Variants in ATP6V0A4 observed in about 807,000 individuals in gnomAD.
ATP6V0A4 encodes the protein ATPase H+ transporting V0 subunit a4, also known as V-type proton ATPase 116 kDa subunit a 4.
A neutral mutation model predicts 107.3 loss-of-function variants in ATP6V0A4; 86 were observed. The observed-to-expected ratio is 0.80, with a 90% CI of 0.67 to 0.96. The LOEUF is 0.96. Ranked by LOEUF, ATP6V0A4 falls within the 40% of genes least tolerant of loss-of-function variation. The pLI, the probability that ATP6V0A4 is intolerant of heterozygous loss-of-function variation, is 0.00. For missense variants in ATP6V0A4, 908 were observed against 1,045.6 expected, an observed-to-expected ratio of 0.87 and a Z score of 1.81; for synonymous variants, 353 against 381.4, an observed-to-expected ratio of 0.93 and a Z score of 0.87.
chr7:138,717,840 G>A (rs1280717873), intron 19 of ATP6V0A4, among the ~76,000 whole-genome samples: 3 of 149,714 alleles, frequency 2.0e-5, no homozygotes, highest in African/African-American at 4.9e-5. Flanking sequence ...CCCGGGAGGC[G>A]GAGGTTGCAG....
In ATP6V0A4 at chr7:138,718,279, GGTGT is replaced by G. The variant is rs777538832; in HGVS notation, c.2140-2402_2140-2399del. 9.1e-3 allele frequency among the ~76,000 whole-genome samples: 117 copies of G among 12,924 alleles called. 1 individual carries two copies. Among genetic ancestry groups the G allele is most frequent in the Admixed American group, 9.3e-3 (8 of 858 alleles). 8.5% of individuals were successfully genotyped at this position (12,924 alleles called of 152,430 possible). A position where few individuals can be genotyped will look rare whatever the true frequency, so the allele number is the denominator to read the frequency against. On this transcript the variant is annotated intron_variant, in intron 19 of 21. Transcript: ENST00000310018. ...AGGGAGACGTCCAGGAAGGAATGGC[GGTGT>G]GTGTGTGTGTGTGTGTGTGTGTGTG...
chr7:138,759,079 A>ATTTT (rs1563006108), intron 8 of ATP6V0A4, among the ~76,000 whole-genome samples: 14 of 23,152 alleles, frequency 6.0e-4, no homozygotes, highest in African/African-American at 2.0e-3. Flanking sequence ...TTTTTTTTTG[A>ATTTT]GATAGGGTCT....
chr7:138,759,079 A>ATTTTT (rs1563006108), intron 8 of ATP6V0A4, among the ~76,000 whole-genome samples: 2 of 23,170 alleles, frequency 8.6e-5, no homozygotes, highest in African/African-American at 3.1e-4. Context: ...TTTTTTTTTG[A>ATTTTT]GATAGGGTCT....
At chr7:138,751,122 A>G (rs390798) in intron 11 of ATP6V0A4, among the ~76,000 whole-genome samples, 90,820 of 151,812 alleles carry the variant, frequency 0.6, 27,217 homozygotes, top group Non-Finnish European at 0.62. Flanking sequence ...CCCATCGGCC[A>G]AACCAGCTGC....
chr7:138,784,959 A>G (rs1808112925), intron 2 of ATP6V0A4, among the ~76,000 whole-genome samples: 1 of 152,140 alleles, frequency 6.6e-6, no homozygotes, highest in Non-Finnish European at 1.5e-5. Context: ...CATTCCTTTA[A>G]CACAGGGCTT....
At chr7:138,752,902 A>T (rs2117291751) in intron 10 of ATP6V0A4, 65 bp from the exon 11 acceptor site, 1 of 1,593,738 alleles carries the variant, frequency 6.3e-7, no homozygotes, top group Non-Finnish European at 8.5e-7. Flanking sequence ...AAGGTGCCAA[A>T]AATGGAGTGT....
chr7:138,769,014 C>A, intron 4 of ATP6V0A4, 140 bp from the exon 5 acceptor site: 1 of 1,565,838 alleles, frequency 6.4e-7, no homozygotes, highest in Admixed American at 1.9e-5. Flanking sequence ...ACCTGGATCC[C>A]ACCCCCAACC....
At chr7:138,793,991 G>A (rs1808542344) in intron 1 of ATP6V0A4, among the ~76,000 whole-genome samples, 1 of 152,152 alleles carries the variant, frequency 6.6e-6, no homozygotes, top group Admixed American at 6.5e-5. Context: ...TCTATGGCAT[G>A]ATCTTAACAG....
intron 17 of ATP6V0A4, among the ~76,000 whole-genome samples, chr7:138,731,627 T>A (rs1805020685): frequency 6.6e-6 from 1 of 152,150 alleles, no homozygotes; most frequent in South Asian, 2.1e-4. Flanking sequence ...GTGTGGTGGT[T>A]CACACCTGTA....
chr7:138,716,281 G>C (rs1336418201), intron 19 of ATP6V0A4, among the ~76,000 whole-genome samples: 1 of 152,168 alleles, frequency 6.6e-6, no homozygotes, highest in Non-Finnish European at 1.5e-5. Context: ...AATTTGGCTG[G>C]AACTGGGAGC....
Position 138,752,789 on chromosome 7 carries a change from C to T in ATP6V0A4, c.865G>A (p.Ala289Thr), listed in dbSNP as rs1039893783. The change falls in exon 11 of 22, where the codon GCT (alanine) becomes ACT (threonine). Residue 289 changes from alanine to threonine, a missense_variant. Physicochemically the swap from Ala to Thr is moderately conservative, Grantham distance 58. Transcript: ENST00000310018. ...SHRQRLLQEAAANWHSWLIKV... is the reference protein window; with the variant it reads ...SHRQRLLQEATANWHSWLIKV... ...ATGAGCCAGGAGTGCCAGTTGGCAGCGGCTTCCTGCAGCAGGCGCTGGCGG... is the reference window on the plus strand; with the variant it reads ...ATGAGCCAGGAGTGCCAGTTGGCAGTGGCTTCCTGCAGCAGGCGCTGGCGG... The T allele has an allele frequency of 3.6e-5, 58 of 1,614,034 alleles. No homozygotes were observed. The highest frequency in any genetic ancestry group is 4.8e-5 in the Non-Finnish European group (57 of 1,180,032).
At position 138,792,104 on chromosome 7, in the gene ATP6V0A4, C is replaced by T. The variant is rs187867060; in HGVS notation, c.-120-5844G>A. On this transcript the variant is annotated intron_variant, in intron 1 of 21. Transcript: ENST00000310018. ...TGGGCAGATCACGAGGTCAGGAGAT[C>T]GAGACCATCCTGGCTAACACGGTGA... is the stretch of plus-strand genomic sequence containing the variant. Among the ~76,000 whole-genome samples the T allele has an allele frequency of 7.2e-3, 1,089 of 152,160 alleles. 15 individuals carry two copies. The highest frequency in any genetic ancestry group is 0.025 in the African/African-American group (1,027 of 41,520).
chr7:138,779,692 G>T (rs1331210484), intron 2 of ATP6V0A4, among the ~76,000 whole-genome samples: 1 of 152,152 alleles, frequency 6.6e-6, no homozygotes, highest in Non-Finnish European at 1.5e-5. Context: ...AGAAGAGGAG[G>T]TAAACTGCTT....
chr7:138,747,786 G>A (rs891646300), intron 12 of ATP6V0A4: 14 of 586,010 alleles, frequency 2.4e-5, no homozygotes, highest in Middle Eastern at 5.2e-4. Context: ...AGTGGGTCTC[G>A]CTCTGTCACC....
At chr7:138,728,472 CCGCCT>C (rs1804827821) in intron 18 of ATP6V0A4, among the ~76,000 whole-genome samples, 1 of 151,984 alleles carries the variant, frequency 6.6e-6, no homozygotes, top group South Asian at 2.1e-4. Context: ...GGTGATCCAC[CCGCCT>C]CGGCCTCCCA....
intron 18 of ATP6V0A4, among the ~76,000 whole-genome samples, chr7:138,723,569 A>C (rs1584899176): frequency 1.5e-5 from 2 of 129,774 alleles, no homozygotes; most frequent in African/African-American, 5.9e-5. Flanking sequence ...TCCTTCGCCC[A>C]GGCTGGAGTG....
intron 1 of ATP6V0A4, among the ~76,000 whole-genome samples, chr7:138,787,746 C>A (rs1003907506): frequency 6.6e-6 from 1 of 152,038 alleles, no homozygotes; most frequent in Non-Finnish European, 1.5e-5. Context: ...ACCTGTAATC[C>A]CAGCATTTCC....
chr7:138,780,588 G>A (rs1297119221), intron 2 of ATP6V0A4, among the ~76,000 whole-genome samples: 1 of 152,170 alleles, frequency 6.6e-6, no homozygotes, highest in East Asian at 1.9e-4. Flanking sequence ...GTTGGCCTTG[G>A]TGAGTGGAAG....
At chr7:138,709,893 A>G in intron 20 of ATP6V0A4, 98 bp from the exon 21 acceptor site, 1 of 1,298,036 alleles carries the variant, frequency 7.7e-7, no homozygotes, top group Non-Finnish European at 1.0e-6. Context: ...TATATATTTT[A>G]AATAGAGACA....
Sources: gnomAD v4.1 joint callset for allele counts (sites outside exome capture counted in the v4.1 genomes callset) on GRCh38, gnomAD v4.1.1 for gene constraint, MANE v1.5 for transcripts, NCBI Gene and HGNC (gene_info 2026-07-23, HGNC 2026-07-21) for gene names.